Variants in LRP1B observed in about 807,000 individuals in gnomAD.
LRP1B encodes the protein low-density lipoprotein receptor-related protein 1B.
A neutral mutation model predicts 556.6 loss-of-function variants in LRP1B; 217 were observed. The observed-to-expected ratio is 0.39, with a 90% confidence interval of 0.35 to 0.44. The LOEUF (loss-of-function observed/expected upper bound fraction) is 0.44. LRP1B is among the 20% of genes least tolerant of loss of function. LRP1B has a pLI of 1.00. For synonymous variants in LRP1B, 2,047 were observed against 1,865.8 expected (o/e 1.10, Z -2.50); for missense variants, 5,053 against 5,620.8 (o/e 0.90, Z 3.23).
intron 23 of LRP1B, among the ~76,000 whole-genome samples, chr2:140,901,304 C>T (rs2105219560): frequency 6.6e-6 from 1 of 152,276 alleles, no homozygotes; most frequent in East Asian, 1.9e-4. Context: ...CCTTCCAGCC[C>T]CTGCCTCTTT....
At chr2:142,086,589 C>T (rs1367263887) in intron 1 of LRP1B, among the ~76,000 whole-genome samples, 3 of 150,008 alleles carry the variant, frequency 2.0e-5, no homozygotes, top group Non-Finnish European at 3.0e-5. Context: ...TCCAGCCTGG[C>T]GACAGAGCAA....
At chr2:140,332,646 C>T (rs1326950506) in intron 79 of LRP1B, among the ~76,000 whole-genome samples, 4 of 152,048 alleles carry the variant, frequency 2.6e-5, no homozygotes, top group African/African-American at 9.7e-5. Context: ...AAGCAGATCC[C>T]CTTGCCTGTC....
At chr2:141,897,165 A>G (rs1699478496) in intron 1 of LRP1B, among the ~76,000 whole-genome samples, 1 of 152,168 alleles carries the variant, frequency 6.6e-6, no homozygotes, top group Non-Finnish European at 1.5e-5. Context: ...AAAGTCCAAA[A>G]CATTCAGTCT....
At chr2:141,835,127 A>G (rs1186235820) in intron 1 of LRP1B, among the ~76,000 whole-genome samples, 2 of 152,004 alleles carry the variant, frequency 1.3e-5, no homozygotes, top group East Asian at 3.9e-4. Flanking sequence ...AGCAATGTAC[A>G]CATTAAGTGG....
intron 2 of LRP1B, among the ~76,000 whole-genome samples, chr2:141,643,826 G>A (rs1689437380): frequency 6.6e-6 from 1 of 152,106 alleles, no homozygotes; most frequent in South Asian, 2.1e-4. Context: ...ATTGGGAAAA[G>A]TATCTAACTT....
chr2:141,432,667 G>A (rs1010604739), intron 3 of LRP1B, among the ~76,000 whole-genome samples: 2 of 151,928 alleles, frequency 1.3e-5, no homozygotes, highest in South Asian at 4.2e-4. Context: ...CTATTAATTT[G>A]TATATTTCAT....
chr2:141,393,051 A>C (rs10208014), intron 3 of LRP1B, among the ~76,000 whole-genome samples: 43,039 of 152,056 alleles, frequency 0.28, 6,794 homozygotes, highest in East Asian at 0.7. Flanking sequence ...GCTCCAGCAT[A>C]GTACCTTTCA....
In LRP1B at chr2:140,572,395, C is replaced by T. The variant is rs78761323; in HGVS notation, c.7194+26236G>A. Among the ~76,000 whole-genome samples, 438 of 151,334 alleles carry T rather than the reference C, an allele frequency of 2.9e-3. 3 individuals carry two copies. Among genetic ancestry groups the T allele is most frequent in the Admixed American group, 5.1e-3 (78 of 15,180 alleles). ...AATGGCCAACAGGTATCTGAAAAAA[C>T]GGTCAACATCACTAATCATGAGGGA... On this transcript the variant is annotated intron_variant, in intron 43 of 90. Transcript: ENST00000389484.
chr2:142,079,826 T>A, intron 1 of LRP1B, among the ~76,000 whole-genome samples: 1 of 152,176 alleles, frequency 6.6e-6, no homozygotes, highest in East Asian at 1.9e-4. Flanking sequence ...TTAAAATATA[T>A]GTTATAAGCA....
chr2:141,356,253 C>A (rs1688622841), intron 3 of LRP1B, among the ~76,000 whole-genome samples: 1 of 152,184 alleles, frequency 6.6e-6, no homozygotes, highest in East Asian at 1.9e-4. Context: ...GTTGGTGATT[C>A]AAGCTGTGTG....
At chr2:141,338,726 G>T (rs1187622984) in intron 3 of LRP1B, among the ~76,000 whole-genome samples, 1 of 151,900 alleles carries the variant, frequency 6.6e-6, no homozygotes, top group Non-Finnish European at 1.5e-5. Context: ...TTATCTGTGG[G>T]GTCAGTTTTG....
At chr2:141,173,923 A>C (rs1041816960) in intron 7 of LRP1B, among the ~76,000 whole-genome samples, 1 of 152,002 alleles carries the variant, frequency 6.6e-6, no homozygotes, top group Non-Finnish European at 1.5e-5. Context: ...AAAATATACT[A>C]TATTATACTA....
chr2:141,106,010 C>T (rs895046581), intron 7 of LRP1B, among the ~76,000 whole-genome samples: 1 of 152,094 alleles, frequency 6.6e-6, no homozygotes, highest in African/African-American at 2.4e-5. Context: ...CAGCTGCTCT[C>T]TTCCTGTCCA....
chr2:140,666,657 A>G (rs531735049), intron 41 of LRP1B, among the ~76,000 whole-genome samples: 1 of 152,338 alleles, frequency 6.6e-6, no homozygotes, highest in East Asian at 1.9e-4. Context: ...ATTTCCAAGG[A>G]TTACTTTTAA....
In LRP1B at chr2:141,980,313, A is replaced by T. The variant is rs142764805; in HGVS notation, c.82+150335T>A. On this transcript the variant is annotated intron_variant, in intron 1 of 90. Coordinates refer to ENST00000389484, the MANE Select transcript of LRP1B (RefSeq NM_018557.3). Reference sequence around the variant, plus strand: ...CTGATAGAGGGCCACCAACCTTATGATGCAGTTCCCCAATGCTACAATAAA... The same window carrying T: ...CTGATAGAGGGCCACCAACCTTATGTTGCAGTTCCCCAATGCTACAATAAA... Among the ~76,000 whole-genome samples, 345 of 152,204 alleles carry T rather than the reference A, an allele frequency of 2.3e-3. 8 individuals carry two copies. Among genetic ancestry groups the T allele is most frequent in the Admixed American group, 0.02 (305 of 15,264 alleles).
intron 1 of LRP1B, among the ~76,000 whole-genome samples, chr2:142,027,474 TTCTC>T (rs1276330372): frequency 2.0e-5 from 3 of 151,834 alleles, no homozygotes; most frequent in Middle Eastern, 3.2e-3. Context: ...ATTTTTACCT[TTCTC>T]TATCAAGAGA....
At chr2:140,239,385 C>T (rs2104884355) in intron 88 of LRP1B, 57 bp downstream of exon 88, 7 of 1,061,680 alleles carry the variant, frequency 6.6e-6, no homozygotes, top group Non-Finnish European at 9.7e-6. Flanking sequence ...CATTATGTTT[C>T]TGCACCTAGT....
intron 23 of LRP1B, among the ~76,000 whole-genome samples, chr2:140,886,817 A>G (rs1044810860): frequency 6.6e-6 from 1 of 152,200 alleles, no homozygotes; most frequent in Non-Finnish European, 1.5e-5. Flanking sequence ...ATAGTTAGGG[A>G]GTGCTTCCAT....
chr2:140,590,058 A>G (rs565309981), intron 43 of LRP1B, among the ~76,000 whole-genome samples: 1 of 152,056 alleles, frequency 6.6e-6, no homozygotes, highest in African/African-American at 2.4e-5. Flanking sequence ...CTTCATGTGA[A>G]TCTACAGTTA....
Sources: gnomAD v4.1 joint callset for allele counts (sites outside exome capture counted in the v4.1 genomes callset) on GRCh38, gnomAD v4.1.1 for gene constraint, MANE v1.5 for transcripts, NCBI Gene and HGNC (gene_info 2026-07-23, HGNC 2026-07-21) for gene names.